UNC45B: variants seen among roughly 807,000 people sequenced by gnomAD.
UNC45B encodes the protein protein unc-45 homolog B.
A neutral mutation model predicts 98.7 loss-of-function variants in UNC45B; 78 were observed. That is an observed-to-expected ratio of 0.79 (90% confidence interval 0.66 to 0.95). UNC45B has a LOEUF of 0.95. Ranked by LOEUF, UNC45B falls within the 40% of genes least tolerant of loss-of-function variation. The probability of loss-of-function intolerance (pLI) is 0.00; values close to 1 mark genes in which losing one functional copy is unlikely to be tolerated. For missense variants in UNC45B, 1,225 were observed against 1,184.9 expected, an observed-to-expected ratio of 1.03 and a Z score of -0.50; for synonymous variants, 462 against 480.4, an observed-to-expected ratio of 0.96 and a Z score of 0.50.
At chr17:35,172,496 A>G (rs1317241865) in intron 13 of UNC45B, among the ~76,000 whole-genome samples, 1 of 152,158 alleles carries the variant, frequency 6.6e-6, no homozygotes, top group Non-Finnish European at 1.5e-5. Flanking sequence ...TGACCCACCC[A>G]CCTCGGCCTC....
Position 35,168,251 on chromosome 17 carries a change from G to C in UNC45B, c.1342G>C (p.Ala448Pro). 1 of 1,577,678 alleles carries C rather than the reference G, an allele frequency of 6.3e-7. No homozygotes were observed. Among genetic ancestry groups the C allele is most frequent in the Admixed American group, 1.8e-5 (1 of 55,062 alleles). The change falls in exon 10 of 20, where the codon GCC (alanine) becomes CCC (proline). Residue 448 changes from alanine to proline, a missense_variant. Coordinates refer to ENST00000394570, the MANE Select transcript of UNC45B (RefSeq NM_001267052.2). The stretch of plus-strand genomic sequence containing the variant: ...GGTGGCCGTGGAGGCCCTCATCCAT[G>C]CCTCCACGAAGCTCAGCCGCGCCAC... ...QLVAVEALIH[A>P]STKLSRATFI... is the part of the protein sequence containing the mutation.
At chr17:35,180,827 G>T in intron 18 of UNC45B, 151 bp downstream of exon 18, 1 of 582,526 alleles carries the variant, frequency 1.7e-6, no homozygotes, top group Admixed American at 3.2e-5. Context: ...ATATTTCCTA[G>T]ATTATAGCCC....
chr17:35,189,260 A>C lies in UNC45B; in HGVS notation c.*2701A>C, dbSNP rs1418557674. ...TTTTAAAGTTTATATCTCCAAAAGG[A>C]TATTTTGTAAAAATTTAACCCCTTT... is the stretch of plus-strand genomic sequence containing the variant. On this transcript the variant is annotated 3_prime_UTR_variant, in exon 20 of 20. Transcript: ENST00000394570. The C allele has an allele frequency of 6.6e-6, 1 of 152,208 alleles. No homozygotes were observed. Among genetic ancestry groups the C allele is most frequent in the Non-Finnish European group, 1.5e-5 (1 of 68,040 alleles). 9.4% of individuals were successfully genotyped at this position (152,208 alleles called of 1,614,324 possible). A position where few individuals can be genotyped will look rare whatever the true frequency, so the allele number is the denominator to read the frequency against.
Position 35,170,275 on chromosome 17 carries a change from G to A in UNC45B, c.1689+20G>A, listed in dbSNP as rs770252310. On this transcript the variant is annotated intron_variant, in intron 12 of 19. Transcript: ENST00000394570. ...GCCAAGGCAGGTGTCGGGGAGTCTGGCCCGACCACAAACCTCAGGAAAGGT... is the reference window on the plus strand; with the variant it reads ...GCCAAGGCAGGTGTCGGGGAGTCTGACCCGACCACAAACCTCAGGAAAGGT... The A allele has an allele frequency of 1.2e-4, 189 of 1,586,570 alleles. No homozygotes were observed. Among genetic ancestry groups the A allele is most frequent in the Non-Finnish European group, 1.6e-4 (181 of 1,163,136 alleles).
At chr17:35,156,676 A>G (rs1015051216) in intron 7 of UNC45B, among the ~76,000 whole-genome samples, 1 of 152,112 alleles carries the variant, frequency 6.6e-6, no homozygotes, top group African/African-American at 2.4e-5. Context: ...ACCACAGCTT[A>G]AAAAAAGTAA....
chr17:35,166,615 G>A (rs927145163), intron 9 of UNC45B, among the ~76,000 whole-genome samples: 11 of 152,144 alleles, frequency 7.2e-5, no homozygotes, highest in Non-Finnish European at 1.6e-4. Context: ...CATCAGGGGC[G>A]GGGGCTGTGT....
At chr17:35,149,832 C>T (rs2092003250) in intron 3 of UNC45B, among the ~76,000 whole-genome samples, 1 of 152,218 alleles carries the variant, frequency 6.6e-6, no homozygotes, top group Non-Finnish European at 1.5e-5. Context: ...AATTGGATGA[C>T]ATGACCCCCA....
chr17:35,160,442 A>G (rs1225940329), intron 8 of UNC45B, among the ~76,000 whole-genome samples: 1 of 151,866 alleles, frequency 6.6e-6, no homozygotes, highest in Non-Finnish European at 1.5e-5. Flanking sequence ...GTATCTATCT[A>G]TTTATTTCTT....
chr17:35,183,575 C>T lies in UNC45B; in HGVS notation c.2522C>T (p.Thr841Ile). Residue 841 changes from threonine (T) to isoleucine (I), a missense_variant, in exon 19 of 20, where the codon ACT becomes ATT. Thr to Ile is a moderately conservative substitution (Grantham distance 89). Transcript: ENST00000394570. The part of the protein sequence containing the change: ...AAHKKLCLKM[T>I]QVTTQWLEIL... ...CACAAGAAACTGTGCCTCAAGATGACTCAAGTGGTAAGAGCTGGCCCTGGG... is the reference window on the plus strand; with the variant it reads ...CACAAGAAACTGTGCCTCAAGATGATTCAAGTGGTAAGAGCTGGCCCTGGG... 1 of 1,561,468 alleles carries T rather than the reference C, an allele frequency of 6.4e-7. No individual in the cohort carries two copies. The highest frequency in any genetic ancestry group is 1.4e-5 in the African/African-American group (1 of 73,494).
At chr17:35,171,569 G>A (rs2092187387) in intron 13 of UNC45B, 107 bp downstream of exon 13, 2 of 1,373,080 alleles carry the variant, frequency 1.5e-6, no homozygotes. Flanking sequence ...TGTGTGTTTG[G>A]GTGGTTGGGG....
chr17:35,176,456 T>C (rs2092234473), intron 15 of UNC45B, among the ~76,000 whole-genome samples: 2 of 152,150 alleles, frequency 1.3e-5, no homozygotes. Flanking sequence ...TATTGATTCA[T>C]GGTAGGTGCT....
intron 17 of UNC45B, 122 bp from the exon 18 acceptor site, chr17:35,180,437 G>T: frequency 1.4e-6 from 1 of 732,232 alleles, no homozygotes; most frequent in Non-Finnish European, 2.3e-6. Flanking sequence ...CATAAACCAT[G>T]CTGGCTGAGG....
At chr17:35,168,642 G>A (rs1336542408) in intron 10 of UNC45B, among the ~76,000 whole-genome samples, 3 of 152,214 alleles carry the variant, frequency 2.0e-5, no homozygotes, top group Non-Finnish European at 4.4e-5. Flanking sequence ...TGCATTTTCA[G>A]AGCAAATTCT....
intron 4 of UNC45B, among the ~76,000 whole-genome samples, chr17:35,152,568 G>A (rs2092028059): frequency 2.0e-5 from 3 of 152,202 alleles, no homozygotes; most frequent in African/African-American, 7.2e-5. Context: ...CTATTTAAAT[G>A]TCTAATAGCA....
Position 35,164,095 on chromosome 17 carries a change from C to T in UNC45B, c.1080C>T (p.Asn360=), listed in dbSNP as rs1346272328. The T allele has an allele frequency of 2.4e-5, 38 of 1,614,168 alleles. No homozygotes were observed. Among genetic ancestry groups the T allele is most frequent in the Non-Finnish European group, 3.2e-5 (38 of 1,180,020 alleles). Reference sequence around the variant, plus strand: ...GCATGCTGGCCTCTATCCTCATCAACAAGCTCTATGATGACCTGCGCTGTG... The same window carrying T: ...GCATGCTGGCCTCTATCCTCATCAATAAGCTCTATGATGACCTGCGCTGTG... ...NTRMLASILI[N]KLYDDLRCDP... is the part of the protein sequence containing the mutation. Residue 360 remains asparagine, a synonymous_variant, in exon 9 of 20, where the codon AAC becomes AAT. Transcript: ENST00000394570.
At chr17:35,183,348 A>C in intron 18 of UNC45B, 79 bp from the exon 19 acceptor site, 5 of 1,392,144 alleles carry the variant, frequency 3.6e-6, no homozygotes, top group Non-Finnish European at 4.7e-6. Context: ...GGGTCAGAGA[A>C]CTTCAGATGT....
At chr17:35,155,724 C>A (rs1359966725) in intron 7 of UNC45B, among the ~76,000 whole-genome samples, 3 of 152,134 alleles carry the variant, frequency 2.0e-5, no homozygotes, top group Non-Finnish European at 4.4e-5. Context: ...CACACACCAT[C>A]ATGCCTGCCT....
chr17:35,170,432 G>A (rs1351199380), intron 12 of UNC45B, among the ~76,000 whole-genome samples, 177 bp downstream of exon 12: 1 of 149,776 alleles, frequency 6.7e-6, no homozygotes. Flanking sequence ...ATGGACTCCC[G>A]ACTCCCAATG....
intron 13 of UNC45B, among the ~76,000 whole-genome samples, 195 bp from the exon 14 acceptor site, chr17:35,174,047 G>A (rs979541596): frequency 2.6e-5 from 4 of 151,946 alleles, no homozygotes; most frequent in African/African-American, 7.2e-5. Flanking sequence ...TCCTAACCTC[G>A]TGGTCCGCCC....
Sources: gnomAD v4.1 joint callset for allele counts (sites outside exome capture counted in the v4.1 genomes callset) on GRCh38, gnomAD v4.1.1 for gene constraint, MANE v1.5 for transcripts, NCBI Gene and HGNC (gene_info 2026-07-23, HGNC 2026-07-21) for gene names.